The following EVA1C variants were observed in gnomAD, a reference collection of about 807,000 sequenced individuals.
The protein encoded by EVA1C is protein eva-1 homolog C.
A neutral mutation model predicts 45.4 loss-of-function variants in EVA1C; 25 were observed. That is an observed-to-expected ratio of 0.55 (90% CI 0.40 to 0.77). EVA1C has a LOEUF of 0.77. Ranked by LOEUF, EVA1C falls within the 30% of genes least tolerant of loss-of-function variation. The pLI, the probability that EVA1C is intolerant of heterozygous loss-of-function variation, is 0.00. For missense variants in EVA1C, 479 were observed against 554.8 expected (o/e 0.86, Z 1.37); for synonymous variants, 190 against 221.2 (o/e 0.86, Z 1.25).
intron 1 of EVA1C, among the ~76,000 whole-genome samples, chr21:32,416,095 CTT>C (rs1216412006): frequency 1.3e-5 from 2 of 149,458 alleles, no homozygotes; most frequent in Non-Finnish European, 1.5e-5. Context: ...GGGGTGCCCT[CTT>C]GAGTAGCAGC....
chr21:32,511,059 A>ATCTG, intron 7 of EVA1C, among the ~76,000 whole-genome samples: 1 of 149,498 alleles, frequency 6.7e-6, no homozygotes, highest in South Asian at 2.1e-4. Context: ...CTCTCTCTCT[A>ATCTG]TCTATATGTA....
At chr21:32,434,396 C>A (rs539567935) in intron 1 of EVA1C, among the ~76,000 whole-genome samples, 3 of 151,524 alleles carry the variant, frequency 2.0e-5, no homozygotes, top group Admixed American at 1.3e-4. Flanking sequence ...TCAAGACCAT[C>A]CTGGCTAACA....
Position 32,488,791 on chromosome 21 carries a change from G to GAA in EVA1C, c.635-6236_635-6235insAA, listed in dbSNP as rs2037060648. Among the ~76,000 whole-genome samples the GAA allele has an allele frequency of 3.9e-5, 6 of 152,204 alleles. 1 individual carries two copies. The highest frequency in any genetic ancestry group is 3.9e-4 in the Admixed American group (6 of 15,290). ...AGTAGAGACAGGGTTTCACCATGTT[G>GAA]GCCAGGCTGGTCTCGAACTCCTGAC... On this transcript the variant is annotated intron_variant, in intron 4 of 7. Transcript: ENST00000300255.
chr21:32,498,615 T>G (rs1302924754), intron 5 of EVA1C, among the ~76,000 whole-genome samples: 1 of 149,952 alleles, frequency 6.7e-6, no homozygotes. Flanking sequence ...AGCTTGGGGG[T>G]GGTGGTTTAA....
intron 7 of EVA1C, among the ~76,000 whole-genome samples, chr21:32,512,165 G>A (rs1393290953): frequency 6.6e-6 from 1 of 152,152 alleles, no homozygotes; most frequent in African/African-American, 2.4e-5. Context: ...CAAGGGGATG[G>A]GGAAGCACAG....
At chr21:32,481,844 T>C (rs574631354) in intron 4 of EVA1C, among the ~76,000 whole-genome samples, 1 of 152,222 alleles carries the variant, frequency 6.6e-6, no homozygotes, top group Non-Finnish European at 1.5e-5. Flanking sequence ...GCCAATCTTT[T>C]TTTATTTCCT....
At chr21:32,464,652 T>C (rs2036112123) in intron 3 of EVA1C, among the ~76,000 whole-genome samples, 1 of 151,926 alleles carries the variant, frequency 6.6e-6, no homozygotes, top group African/African-American at 2.4e-5. Flanking sequence ...TGAAACCCTG[T>C]CTCTACTAAA....
At chr21:32,483,853 C>A (rs1356424810) in intron 4 of EVA1C, among the ~76,000 whole-genome samples, 1 of 151,974 alleles carries the variant, frequency 6.6e-6, no homozygotes, top group African/African-American at 2.4e-5. Context: ...AAGTCCGAAC[C>A]TTCATGGATA....
intron 1 of EVA1C, among the ~76,000 whole-genome samples, chr21:32,424,963 C>A (rs1434563303): frequency 6.6e-6 from 1 of 152,016 alleles, no homozygotes; most frequent in East Asian, 1.9e-4. Flanking sequence ...CTCAACAGCT[C>A]CTCCTGCCTC....
chr21:32,452,062 T>C lies in EVA1C; in HGVS notation c.161-1250T>C, dbSNP rs1428206030. 1 of 152,248 alleles carries C rather than the reference T, an allele frequency of 6.6e-6. No homozygotes were observed. The highest frequency in any genetic ancestry group is 2.4e-5 in the African/African-American group (1 of 41,456). 9.4% of individuals were successfully genotyped at this position (152,248 alleles called of 1,614,324 possible). A position where few individuals can be genotyped will look rare whatever the true frequency, so the allele number is the denominator to read the frequency against. On this transcript the variant is annotated intron_variant, in intron 1 of 7. Coordinates refer to ENST00000300255, the MANE Select transcript of EVA1C (RefSeq NM_058187.5). The surrounding 1 kb of genome is among the most constrained non-coding windows in gnomAD (Gnocchi z 4.0). ...CAGCAAGACAGAGCCAAGAGTGATT[T>C]CTTGAAATGAAATTGCATCCTCTCA...
At chr21:32,432,046 T>A (rs923969412) in intron 1 of EVA1C, among the ~76,000 whole-genome samples, 13 of 152,184 alleles carry the variant, frequency 8.5e-5, no homozygotes, top group African/African-American at 2.9e-4. Flanking sequence ...TTCTTTATCT[T>A]TCATGGTATT....
rs767549465 is a variant in EVA1C, at chr21:32,453,264, G to A, written c.161-48G>A. On this transcript the variant is annotated intron_variant, in intron 1 of 7. Coordinates refer to ENST00000300255, the MANE Select transcript of EVA1C (RefSeq NM_058187.5). ...TCCTCCTGTCCCCAAACCCATGGAG[G>A]AGTGGTGGGTTCCTGGGCCTCTAGT... 6.6e-5 allele frequency: 92 copies of A among 1,401,238 alleles called. 2 individuals are homozygous for A. The highest frequency in any genetic ancestry group is 5.4e-5 in the Admixed American group (3 of 55,852). 86.8% of individuals were successfully genotyped at this position (1,401,238 alleles called of 1,614,324 possible). A position where few individuals can be genotyped will look rare whatever the true frequency, so the allele number is the denominator to read the frequency against.
At chr21:32,425,962 CTT>C (rs11313843) in intron 1 of EVA1C, among the ~76,000 whole-genome samples, 2 of 149,542 alleles carry the variant, frequency 1.3e-5, no homozygotes, top group Admixed American at 6.7e-5. Context: ...AAAGTGAACA[CTT>C]TTTTTTTTTA....
At chr21:32,450,383 A>ATTT (rs3056328) in intron 1 of EVA1C, among the ~76,000 whole-genome samples, 3 of 145,564 alleles carry the variant, frequency 2.1e-5, no homozygotes, top group African/African-American at 5.1e-5. Flanking sequence ...GAGCCTTGTC[A>ATTT]TTTTTTTTTT....
At chr21:32,467,909 T>TATAC in intron 4 of EVA1C, 61 bp downstream of exon 4, 1 of 1,009,476 alleles carries the variant, frequency 9.9e-7, no homozygotes, top group Admixed American at 3.8e-5. Context: ...TAATAGAATA[T>TATAC]ATATATATAT....
At chr21:32,507,949 TTGTG>T (rs56001680) in intron 7 of EVA1C, among the ~76,000 whole-genome samples, 14 of 149,664 alleles carry the variant, frequency 9.4e-5, no homozygotes, top group East Asian at 7.9e-4. Flanking sequence ...GTATGTGTGT[TTGTG>T]TGTGTGTGTA....
At chr21:32,503,280 T>C (rs1387027600) in intron 6 of EVA1C, among the ~76,000 whole-genome samples, 1 of 152,248 alleles carries the variant, frequency 6.6e-6, no homozygotes, top group Non-Finnish European at 1.5e-5. Flanking sequence ...GAGCAGTGGC[T>C]CACGCCTGTT....
intron 1 of EVA1C, among the ~76,000 whole-genome samples, chr21:32,434,768 T>C (rs1327170084): frequency 1.3e-5 from 2 of 152,248 alleles, no homozygotes; most frequent in African/African-American, 4.8e-5. Flanking sequence ...GGGAGATCCT[T>C]CCCTAGCATC....
At chr21:32,501,277 A>C (rs1247864828) in intron 5 of EVA1C, 138 bp from the exon 6 acceptor site, 8 of 714,406 alleles carry the variant, frequency 1.1e-5, no homozygotes, top group Non-Finnish European at 1.8e-5. Context: ...TGTGTATTTA[A>C]CAGGAAGAGT....
Sources: allele counts gnomAD v4.1 joint callset (sites outside exome capture counted in the v4.1 genomes callset), GRCh38; gene constraint gnomAD v4.1.1; non-coding constraint Gnocchi (gnomAD v3.1); transcripts MANE v1.5; gene names NCBI Gene and HGNC (gene_info 2026-07-23, HGNC 2026-07-21).